The following DACH2 variants were observed in gnomAD, a reference collection of about 807,000 sequenced individuals.
DACH2 encodes the protein dachshund family transcription factor 2, also known as dachshund homolog 2.
In DACH2, 17 loss-of-function variants were observed where a neutral mutation model predicts 35.8. The ratio of observed to expected loss-of-function variants is 0.48; its 90% CI spans 0.33 to 0.71. DACH2 has a LOEUF of 0.71. Ranked by LOEUF, DACH2 falls within the 30% of genes least tolerant of loss-of-function variation. The pLI, the probability that DACH2 is intolerant of heterozygous loss-of-function variation, is 0.02. For synonymous variants in DACH2, 195 were observed against 177.3 expected, an observed-to-expected ratio of 1.10 and a Z score of -0.79; for missense variants, 469 against 472.7, an observed-to-expected ratio of 0.99 and a Z score of 0.07.
At chrX:86,599,600 G>A (rs1241612909) in intron 3 of DACH2, among the ~76,000 whole-genome samples, 1 of 108,297 alleles carries the variant, frequency 9.2e-6, no homozygotes, top group Non-Finnish European at 1.9e-5. Context: ...AAGTTCAAGC[G>A]ATTCTCCCAC....
At chrX:86,748,643 A>G (rs1484774247) in intron 7 of DACH2, among the ~76,000 whole-genome samples, 2 of 111,887 alleles carry the variant, frequency 1.8e-5, no homozygotes, top group African/African-American at 3.2e-5. Flanking sequence ...CAGAGACAGA[A>G]TAGAATTTGG....
chrX:86,236,079 G>C (rs1011068522), intron 1 of DACH2, among the ~76,000 whole-genome samples: 1 of 111,519 alleles, frequency 9.0e-6, no homozygotes, highest in African/African-American at 3.3e-5. Flanking sequence ...GTTGCAGTGA[G>C]GCAAATCGTG....
intron 7 of DACH2, among the ~76,000 whole-genome samples, chrX:86,800,975 GTTT>G (rs942632965): frequency 2.7e-5 from 3 of 111,262 alleles, no homozygotes; most frequent in Non-Finnish European, 3.8e-5. Flanking sequence ...CGGCGCAACA[GTTT>G]TTATTATCTT....
chrX:86,157,657 A>C (rs1168006518), intron 1 of DACH2, among the ~76,000 whole-genome samples: 1 of 111,574 alleles, frequency 9.0e-6, no homozygotes, highest in Non-Finnish European at 1.9e-5. Context: ...TTGGATTAAC[A>C]GTTATAACCA....
intron 4 of DACH2, among the ~76,000 whole-genome samples, chrX:86,655,498 G>A (rs745761952): frequency 1.8e-5 from 2 of 111,865 alleles, no homozygotes; most frequent in East Asian, 5.6e-4. Context: ...ATTCCATGAA[G>A]GTCAAGTACG....
At chrX:86,411,020 T>TTTTATATA (rs1556108950) in intron 2 of DACH2, among the ~76,000 whole-genome samples, 3 of 40,528 alleles carry the variant, frequency 7.4e-5, no homozygotes, top group African/African-American at 2.8e-4. Context: ...ACTAATATGA[T>TTTTATATA]TATATATATA....
intron 1 of DACH2, among the ~76,000 whole-genome samples, chrX:86,283,244 G>T (rs2034070794): frequency 1.8e-5 from 2 of 111,634 alleles, no homozygotes; most frequent in Admixed American, 1.9e-4. Flanking sequence ...ATGCTGGAGA[G>T]GATGTGGAGA....
intron 7 of DACH2, among the ~76,000 whole-genome samples, chrX:86,804,823 A>G (rs775668565): frequency 7.1e-5 from 8 of 112,571 alleles, no homozygotes; most frequent in African/African-American, 2.6e-4. Flanking sequence ...CTTTGACTTC[A>G]TGTCTCACAT....
chrX:86,795,380 C>T, intron 7 of DACH2, among the ~76,000 whole-genome samples: 2 of 109,773 alleles, frequency 1.8e-5, no homozygotes, highest in South Asian at 8.0e-4. Flanking sequence ...ACTACAGGCA[C>T]GTGCCACCAC....
At chrX:86,162,191 T>C (rs2030786878) in intron 1 of DACH2, among the ~76,000 whole-genome samples, 1 of 111,127 alleles carries the variant, frequency 9.0e-6, no homozygotes, top group East Asian at 2.8e-4. Context: ...GTGGGAAATA[T>C]GTAAAAGCCT....
intron 1 of DACH2, among the ~76,000 whole-genome samples, chrX:86,312,027 G>GA (rs936396193): frequency 2.7e-5 from 3 of 111,061 alleles, no homozygotes; most frequent in Admixed American, 9.6e-5. Flanking sequence ...ACCCCACCAG[G>GA]AAAAAAACCA....
At chrX:86,375,807 A>C (rs1053236697) in intron 1 of DACH2, among the ~76,000 whole-genome samples, 1 of 110,111 alleles carries the variant, frequency 9.1e-6, no homozygotes, top group African/African-American at 3.3e-5. Flanking sequence ...AAGCAAACAA[A>C]ACAAAACAAA....
At chrX:86,239,254 A>C (rs1238958192) in intron 1 of DACH2, among the ~76,000 whole-genome samples, 1 of 111,804 alleles carries the variant, frequency 8.9e-6, no homozygotes, top group East Asian at 2.8e-4. Flanking sequence ...AATTATAAGT[A>C]TACAACTTCG....
chrX:86,437,489 T>C (rs1285955748), intron 2 of DACH2, among the ~76,000 whole-genome samples: 2 of 111,794 alleles, frequency 1.8e-5, no homozygotes, highest in Non-Finnish European at 3.8e-5. Flanking sequence ...ATTCTCTACT[T>C]TCATAAGATC....
At chrX:86,190,690 A>G (rs1215089730) in intron 1 of DACH2, among the ~76,000 whole-genome samples, 1 of 112,282 alleles carries the variant, frequency 8.9e-6, no homozygotes, top group African/African-American at 3.2e-5. Flanking sequence ...CACGCCTGTA[A>G]TCCCAGCACT....
chrX:86,534,174 A>G (rs2038763387), intron 3 of DACH2, among the ~76,000 whole-genome samples: 1 of 112,035 alleles, frequency 8.9e-6, no homozygotes, highest in Admixed American at 9.5e-5. Flanking sequence ...TAGGGAGAGC[A>G]GCTATAAGGC....
chrX:86,575,841 C>G (rs1042474154), intron 3 of DACH2, among the ~76,000 whole-genome samples: 4 of 111,490 alleles, frequency 3.6e-5, no homozygotes, highest in African/African-American at 1.3e-4. Flanking sequence ...AGCCTCCCCT[C>G]AACCAACACT....
intron 1 of DACH2, among the ~76,000 whole-genome samples, chrX:86,311,550 G>A (rs1418557833): frequency 9.0e-6 from 1 of 111,023 alleles, no homozygotes; most frequent in Non-Finnish European, 1.9e-5. Context: ...AGGATTCATG[G>A]GTCCAGGAAT....
At chrX:86,184,321 C>G in intron 1 of DACH2, 1 of 147,974 alleles carries the variant, frequency 6.8e-6, no homozygotes. Context: ...GATTCTTGTG[C>G]CTCAGCCTCC....
Sources: allele counts gnomAD v4.1 joint callset (sites outside exome capture counted in the v4.1 genomes callset), GRCh38; gene constraint gnomAD v4.1.1; transcripts MANE v1.5; gene names NCBI Gene and HGNC (gene_info 2026-07-23, HGNC 2026-07-21).